TRIM24: variants seen among roughly 807,000 people sequenced by gnomAD.
TRIM24 encodes the protein tripartite motif containing 24.
In TRIM24, 29 loss-of-function variants were observed where a neutral mutation model predicts 123.9. That is an observed-to-expected ratio of 0.23 (90% CI 0.17 to 0.32). TRIM24 has a LOEUF of 0.32. Among genes scored for constraint, TRIM24 ranks in the 10% least tolerant of loss-of-function variants. The probability of loss-of-function intolerance (pLI) is 1.00; values close to 1 mark genes in which losing one functional copy is unlikely to be tolerated. For missense variants in TRIM24, 932 were observed against 1,295.3 expected, an observed-to-expected ratio of 0.72 and a Z score of 4.31; for synonymous variants, 456 against 461.1, an observed-to-expected ratio of 0.99 and a Z score of 0.14.
rs537327656 is a variant in TRIM24 at position 138,488,284 on chromosome 7, C to CA, written c.365-15996dup. Among the ~76,000 whole-genome samples, 653 of 143,902 alleles carry CA rather than the reference C, an allele frequency of 4.5e-3. 4 individuals are homozygous for CA. The highest frequency in any genetic ancestry group is 7.1e-3 in the African/African-American group (278 of 39,346). The allele number at this position is 143,902 out of a possible 152,430, so 94.4% of individuals were successfully genotyped here. On this transcript the variant is annotated intron_variant, in intron 1 of 18. Transcript: ENST00000343526. ...GTTCTATCTATTTTGTTGATCTTTT[C>CA]AAAAAAAAAACAGCTCCTGAATTCA...
At chr7:138,468,361 G>A (rs569487233) in intron 1 of TRIM24, among the ~76,000 whole-genome samples, 1 of 152,192 alleles carries the variant, frequency 6.6e-6, no homozygotes, top group South Asian at 2.1e-4. Flanking sequence ...TTTGCTACAG[G>A]TATTTTGAAG....
intron 1 of TRIM24, among the ~76,000 whole-genome samples, chr7:138,482,636 G>C (rs1218419918): frequency 2.0e-5 from 3 of 152,134 alleles, no homozygotes; most frequent in African/African-American, 7.2e-5. Flanking sequence ...TTGAGATTTT[G>C]CAAGTCTTCT....
chr7:138,543,157 A>G (rs1229672749), intron 7 of TRIM24, among the ~76,000 whole-genome samples: 1 of 152,230 alleles, frequency 6.6e-6, no homozygotes, highest in African/African-American at 2.4e-5. Flanking sequence ...TGATTGTATT[A>G]TGGAGAAAAT....
At chr7:138,489,683 C>G (rs1245456804) in intron 1 of TRIM24, among the ~76,000 whole-genome samples, 1 of 152,208 alleles carries the variant, frequency 6.6e-6, no homozygotes, top group African/African-American at 2.4e-5. Flanking sequence ...GGCCCTCACT[C>G]TCTTGGCTTG....
At chr7:138,569,340 A>G (rs977969487) in intron 10 of TRIM24, among the ~76,000 whole-genome samples, 3 of 152,154 alleles carry the variant, frequency 2.0e-5, no homozygotes, top group Non-Finnish European at 1.5e-5. Flanking sequence ...GTAAAGGAAC[A>G]AGCCAGGAAA....
intron 2 of TRIM24, among the ~76,000 whole-genome samples, chr7:138,508,728 T>C (rs13235141): frequency 6.6e-4 from 90 of 136,396 alleles, no homozygotes; most frequent in Admixed American, 6.2e-3. Context: ...TGCGTGTGTG[T>C]GTGTGTGTGT....
intron 2 of TRIM24, among the ~76,000 whole-genome samples, chr7:138,508,720 CGTGTGT>C (rs113425807): frequency 1.1e-4 from 8 of 72,594 alleles, no homozygotes; most frequent in South Asian, 4.8e-4. Flanking sequence ...TGTGTGTGTG[CGTGTGT>C]GTGTGTGTGT....
At chr7:138,470,588 T>C (rs191465526) in intron 1 of TRIM24, among the ~76,000 whole-genome samples, 5 of 152,346 alleles carry the variant, frequency 3.3e-5, no homozygotes, top group Non-Finnish European at 7.3e-5. Context: ...TGGAGGCTGC[T>C]CACAAAAGCC....
intron 9 of TRIM24, among the ~76,000 whole-genome samples, chr7:138,557,401 G>A (rs1247968578): frequency 6.6e-6 from 1 of 152,150 alleles, no homozygotes; most frequent in Admixed American, 6.5e-5. Flanking sequence ...TATTTAGTTA[G>A]AGCCATTAGC....
At chr7:138,565,392 A>G (rs1010182826) in intron 9 of TRIM24, among the ~76,000 whole-genome samples, 6 of 151,786 alleles carry the variant, frequency 4.0e-5, no homozygotes, top group Non-Finnish European at 7.4e-5. Flanking sequence ...CCTTACCACA[A>G]TCCTGTAGTG....
chr7:138,477,009 T>C (rs954749800), intron 1 of TRIM24, among the ~76,000 whole-genome samples: 2 of 152,110 alleles, frequency 1.3e-5, no homozygotes, highest in Admixed American at 6.6e-5. Context: ...TACTGTTAAG[T>C]AGAAATCAAG....
intron 9 of TRIM24, among the ~76,000 whole-genome samples, chr7:138,565,324 G>A (rs1450256406): frequency 2.6e-5 from 4 of 152,134 alleles, no homozygotes; most frequent in South Asian, 2.1e-4. Flanking sequence ...GTTACACCCC[G>A]GGAGGTGATC....
chr7:138,545,736 A>T (rs1048319643), intron 7 of TRIM24, among the ~76,000 whole-genome samples: 6 of 152,194 alleles, frequency 3.9e-5, no homozygotes, highest in African/African-American at 1.4e-4. Flanking sequence ...TGCCCAGAAC[A>T]TGTTGTTATA....
At chr7:138,535,775 T>G (rs1325401626) in intron 6 of TRIM24, among the ~76,000 whole-genome samples, 1 of 152,208 alleles carries the variant, frequency 6.6e-6, no homozygotes, top group Non-Finnish European at 1.5e-5. Context: ...CTTGCTAGGT[T>G]GGCGAAGTTC....
chr7:138,578,809 G>A (rs1344720488), intron 14 of TRIM24, among the ~76,000 whole-genome samples: 1 of 152,062 alleles, frequency 6.6e-6, no homozygotes, highest in Non-Finnish European at 1.5e-5. Flanking sequence ...GAAGGAGATT[G>A]TTTTTGTTAT....
chr7:138,466,635 G>C (rs1053450642), intron 1 of TRIM24, among the ~76,000 whole-genome samples: 4 of 151,912 alleles, frequency 2.6e-5, no homozygotes, highest in African/African-American at 9.7e-5. Flanking sequence ...TTATGGGCGT[G>C]AGCCACCACG....
rs768137059 is a variant in TRIM24, at chr7:138,460,605, C to T, written c.57C>T (p.Ala19=). The T allele has an allele frequency of 2.7e-5, 36 of 1,354,712 alleles. No homozygotes were observed. The highest frequency in any genetic ancestry group is 3.4e-5 in the Non-Finnish European group (36 of 1,061,712). The allele number at this position is 1,354,712 out of a possible 1,614,324, so 83.9% of individuals were successfully genotyped here. The change falls in exon 1 of 19, where the codon GCC becomes GCT. Residue 19 remains alanine (A), a synonymous_variant. Coordinates refer to ENST00000343526, the MANE Select transcript of TRIM24 (RefSeq NM_015905.3). ...CGGCGGCAGCGGCCTCGGCTGCGGC[C>T]TCCGGGGGGCCCTCGGCGGCGCCGA... is the stretch of plus-strand genomic sequence containing the variant. ...VAAAAAASAA[A]SGGPSAAPSG...
chr7:138,499,931 C>T (rs1281423092), intron 1 of TRIM24, among the ~76,000 whole-genome samples: 3 of 151,914 alleles, frequency 2.0e-5, no homozygotes, highest in South Asian at 2.1e-4. Flanking sequence ...GACAGGACCA[C>T]GGACAACACT....
chr7:138,584,812 A>C lies in TRIM24; in HGVS notation c.3014A>C (p.Tyr1005Ser). The C allele has an allele frequency of 6.2e-7, 1 of 1,613,490 alleles. No homozygotes were observed. The highest frequency in any genetic ancestry group is 8.5e-7 in the Non-Finnish European group (1 of 1,179,778). ...TTTGAAGAACTTCTAAAGAACCTCT[A>C]TCCAGAAAAAAGGTTTCCCAAACCA... is the stretch of plus-strand genomic sequence containing the variant. Reference protein sequence around the residue: ...NYFEELLKNLYPEKRFPKPEF... With the variant: ...NYFEELLKNLSPEKRFPKPEF... Residue 1005 changes from tyrosine to serine, a missense_variant, in exon 19 of 19, where the codon TAT becomes TCT. Tyr to Ser is a moderately radical substitution (Grantham distance 144, BLOSUM62 -2). Coordinates refer to ENST00000343526, the MANE Select transcript of TRIM24 (RefSeq NM_015905.3).
Sources: gnomAD v4.1 joint callset for allele counts (sites outside exome capture counted in the v4.1 genomes callset) on GRCh38, gnomAD v4.1.1 for gene constraint, MANE v1.5 for transcripts, NCBI Gene and HGNC (gene_info 2026-07-23, HGNC 2026-07-21) for gene names.